STK3: variants seen among roughly 807,000 people sequenced by gnomAD.
STK3 encodes serine/threonine-protein kinase 3.
Under a neutral mutation model 58.0 loss-of-function variants are expected in STK3, and 41 were observed. That is an observed-to-expected ratio of 0.71 (90% CI 0.55 to 0.92). The LOEUF (loss-of-function observed/expected upper bound fraction) is 0.92. Ranked by LOEUF, STK3 falls within the 40% of genes least tolerant of loss-of-function variation. The pLI is 0.00. For missense variants in STK3, 479 were observed against 602.7 expected (o/e 0.79, Z 2.15); for synonymous variants, 170 against 191.0 (o/e 0.89, Z 0.91).
intron 8 of STK3, among the ~76,000 whole-genome samples, chr8:98,562,318 T>C (rs750135224): frequency 5.3e-5 from 8 of 152,044 alleles, no homozygotes; most frequent in Non-Finnish European, 1.0e-4. Context: ...ATCTCTGCAA[T>C]GTAATACTAT....
intron 3 of STK3, among the ~76,000 whole-genome samples, chr8:98,756,770 T>C (rs1036979214): frequency 6.6e-6 from 1 of 152,198 alleles, no homozygotes; most frequent in Non-Finnish European, 1.5e-5. Context: ...CTAACTCCCA[T>C]GGAAGGATGT....
intron 1 of STK3, among the ~76,000 whole-genome samples, chr8:98,806,048 T>C (rs375381324): frequency 2.2e-4 from 34 of 152,318 alleles, no homozygotes; most frequent in Non-Finnish European, 3.2e-4. Context: ...AGTACAGTGA[T>C]TCATTATTCC....
intron 1 of STK3, among the ~76,000 whole-genome samples, chr8:98,818,522 CAATTATA>C (rs1308457373): frequency 6.7e-6 from 1 of 149,694 alleles, no homozygotes; most frequent in Non-Finnish European, 1.5e-5. Context: ...AATTAGCTGC[CAATTATA>C]AATTATAAAT....
intron 4 of STK3, among the ~76,000 whole-genome samples, chr8:98,737,746 C>G (rs192860090): frequency 6.6e-6 from 1 of 151,966 alleles, no homozygotes; most frequent in African/African-American, 2.4e-5. Flanking sequence ...TTCACTCTTT[C>G]GCCTAGGCTA....
In STK3 at chr8:98,579,902, T is replaced by C. The variant is rs1446814829; in HGVS notation, c.823-113A>G. 3.1e-6 allele frequency: 3 copies of C among 970,398 alleles called. No homozygotes were observed. The African/African-American group carries it at 5.2e-5, about 17-fold the overall frequency. The allele number at this position is 970,398 out of a possible 1,614,324, so 60.1% of individuals were successfully genotyped here. ...CAGGATCACAGGCTTCAATGATTGTTTTTTCATCTAGAATTAAATGTATAG... is the reference window on the plus strand; with the variant it reads ...CAGGATCACAGGCTTCAATGATTGTCTTTTCATCTAGAATTAAATGTATAG... On this transcript the variant is annotated intron_variant, in intron 7 of 10. Transcript: ENST00000419617.
chr8:98,601,092 C>G (rs999050151), intron 6 of STK3, among the ~76,000 whole-genome samples: 4 of 151,922 alleles, frequency 2.6e-5, no homozygotes, highest in Non-Finnish European at 5.9e-5. Flanking sequence ...CCTGTAGTCC[C>G]TGAGCTGAGA....
At chr8:98,498,768 A>G (rs1823351755) in intron 10 of STK3, among the ~76,000 whole-genome samples, 1 of 152,068 alleles carries the variant, frequency 6.6e-6, no homozygotes, top group Admixed American at 6.5e-5. Flanking sequence ...TTATTTTCCT[A>G]CTTCGCTGAT....
chr8:98,855,261 A>C (rs1357405914), intron 3 of STK3, among the ~76,000 whole-genome samples: 1 of 152,234 alleles, frequency 6.6e-6, no homozygotes, highest in Non-Finnish European at 1.5e-5. Context: ...CATACTTCCC[A>C]ATTTCAAAAC....
At chr8:98,712,899 G>A (rs1161612005) in intron 4 of STK3, among the ~76,000 whole-genome samples, 1 of 152,152 alleles carries the variant, frequency 6.6e-6, no homozygotes, top group African/African-American at 2.4e-5. Flanking sequence ...GCACTCCTCA[G>A]CAAATGTAAA....
chr8:98,721,025 A>G (rs569416209), intron 4 of STK3: 1 of 901,932 alleles, frequency 1.1e-6, no homozygotes, highest in African/African-American at 1.8e-5. Flanking sequence ...ATGCCAGCCA[A>G]ACAAAACAAA....
chr8:98,698,844 G>A (rs1371559028), intron 6 of STK3, among the ~76,000 whole-genome samples: 1 of 151,948 alleles, frequency 6.6e-6, no homozygotes, highest in African/African-American at 2.4e-5. Flanking sequence ...TATGTGTCTT[G>A]GAGTTGCTCT....
At chr8:98,678,854 T>G (rs771998590) in intron 6 of STK3, among the ~76,000 whole-genome samples, 1 of 152,202 alleles carries the variant, frequency 6.6e-6, no homozygotes, top group Non-Finnish European at 1.5e-5. Flanking sequence ...TTCCTTTCTA[T>G]AGCAAACATG....
chr8:98,787,959 A>C (rs1587622005), intron 1 of STK3, among the ~76,000 whole-genome samples: 1 of 152,314 alleles, frequency 6.6e-6, no homozygotes, highest in Non-Finnish European at 1.5e-5. Flanking sequence ...CAAAGCCAGA[A>C]AACACATCAA....
chr8:98,574,618 A>T (rs543356436), intron 8 of STK3, among the ~76,000 whole-genome samples: 1 of 152,274 alleles, frequency 6.6e-6, no homozygotes, highest in South Asian at 2.1e-4. Context: ...TTTATAGGAG[A>T]CCCACAAAGT....
At chr8:98,433,895 C>T (rs1435872683) in intron 3 of STK3, among the ~76,000 whole-genome samples, 3 of 152,168 alleles carry the variant, frequency 2.0e-5, no homozygotes, top group Non-Finnish European at 4.4e-5. Context: ...TTGGGATTTC[C>T]ACTATTTCCA....
At chr8:98,596,705 C>T (rs975863853) in intron 6 of STK3, among the ~76,000 whole-genome samples, 12 of 151,852 alleles carry the variant, frequency 7.9e-5, no homozygotes, top group Non-Finnish European at 1.8e-4. Flanking sequence ...AGGTAATATA[C>T]TACTTTAATT....
intron 2 of STK3, among the ~76,000 whole-genome samples, chr8:98,770,442 G>A (rs977865959): frequency 6.6e-6 from 1 of 152,188 alleles, no homozygotes; most frequent in Non-Finnish European, 1.5e-5. Context: ...GTACTGATAT[G>A]GATGCAAGAC....
chr8:98,468,458 A>T (rs766417965), intron 10 of STK3, among the ~76,000 whole-genome samples: 3 of 152,232 alleles, frequency 2.0e-5, no homozygotes, highest in Non-Finnish European at 4.4e-5. Context: ...GCTCTTATGA[A>T]AATGTTTAAA....
the STK3 span, among the ~76,000 whole-genome samples, chr8:98,347,754 A>G: frequency 1.3e-5 from 2 of 152,242 alleles, no homozygotes; most frequent in Non-Finnish European, 2.9e-5. Flanking sequence ...TATAGGAAAC[A>G]TACATTAAAT....
Sources: gnomAD v4.1 joint callset for allele counts (sites outside exome capture counted in the v4.1 genomes callset) on GRCh38, gnomAD v4.1.1 for gene constraint, MANE v1.5 for transcripts, NCBI Gene and HGNC (gene_info 2026-07-23, HGNC 2026-07-21) for gene names.